FAM228A: variants seen among roughly 807,000 people sequenced by gnomAD.
FAM228A encodes the protein family with sequence similarity 228 member A.
A neutral mutation model predicts 18.6 loss-of-function variants in FAM228A; 13 were observed. The observed-to-expected ratio is 0.70, with a 90% CI of 0.45 to 1.11. FAM228A has a LOEUF of 1.11. Among genes scored for constraint, FAM228A ranks in the 50% least tolerant of loss-of-function variants. FAM228A has a pLI of 0.00. For synonymous variants in FAM228A, 77 were observed against 86.6 expected, an observed-to-expected ratio of 0.89 and a Z score of 0.61; for missense variants, 240 against 242.2, an observed-to-expected ratio of 0.99 and a Z score of 0.06.
chr2:24,175,557 C>T lies in FAM228A; in HGVS notation c.77C>T (p.Ser26Phe), dbSNP rs543111385. The change falls in exon 2 of 6, where the codon TCC (serine) becomes TTC (phenylalanine). Residue 26 changes from serine to phenylalanine, a missense_variant. By Grantham distance (155) the Ser-to-Phe change is radical. Transcript: ENST00000295150. ...EKLREWPEPE[S>F]VSLMEVLARE... Reference sequence around the variant, plus strand: ...TTAAGAGAATGGCCGGAGCCCGAGTCCGTTTCTTTAATGGAGGTGAGATAA... The same window carrying T: ...TTAAGAGAATGGCCGGAGCCCGAGTTCGTTTCTTTAATGGAGGTGAGATAA... The T allele has an allele frequency of 4.7e-5, 76 of 1,613,902 alleles. No individual in the cohort carries two copies. The South Asian group carries it at 8.1e-4, about 17-fold the overall frequency.
At chr2:24,190,245 G>A (rs927037385) in intron 5 of FAM228A, among the ~76,000 whole-genome samples, 167 bp from the exon 6 acceptor site, 6 of 152,168 alleles carry the variant, frequency 3.9e-5, no homozygotes, top group African/African-American at 1.4e-4. Context: ...GGCCAGCAGA[G>A]GTACGGACAG....
chr2:24,188,525 G>T (rs547120198), intron 5 of FAM228A: 2 of 985,292 alleles, frequency 2.0e-6, no homozygotes, highest in African/African-American at 3.5e-5. Context: ...CTCTTAGCGG[G>T]AGGGTGATGT....
intron 1 of FAM228A, 34 bp from the exon 2 acceptor site, chr2:24,175,430 GTCT>G (rs1667656319): frequency 6.8e-7 from 1 of 1,463,508 alleles, no homozygotes; most frequent in Non-Finnish European, 9.6e-7. Flanking sequence ...AACGGTAACC[GTCT>G]TCCTCAGCCT....
chr2:24,177,293 A>C (rs1667714108), intron 2 of FAM228A, among the ~76,000 whole-genome samples: 1 of 152,178 alleles, frequency 6.6e-6, no homozygotes, highest in Admixed American at 6.5e-5. Context: ...CACAGAAATT[A>C]GCCAGCTGTG....
chr2:24,188,387 G>A (rs1207456303), intron 5 of FAM228A: 5 of 975,872 alleles, frequency 5.1e-6, no homozygotes, highest in Non-Finnish European at 6.1e-6. Flanking sequence ...TTTTCCTAAT[G>A]CTCTCCCTTC....
At chr2:24,187,953 T>G (rs1667988761) in intron 5 of FAM228A, among the ~76,000 whole-genome samples, 1 of 152,178 alleles carries the variant, frequency 6.6e-6, no homozygotes, top group East Asian at 1.9e-4. Context: ...TACTTGGAAT[T>G]CATGGGTCTT....
In FAM228A at chr2:24,183,328, A is replaced by G. The variant is rs758929305; in HGVS notation, c.206A>G (p.Gln69Arg). 6.2e-7 allele frequency: 1 copy of G among 1,614,084 alleles called. No homozygotes were observed. Among genetic ancestry groups the G allele is most frequent in the Admixed American group, 1.7e-5 (1 of 60,004 alleles). Reference sequence around the variant, plus strand: ...GTTGATCCTCTGTTTCAAAGACAGCAAGAGGTGGATGAAGAGAGGAGAACT... The same window carrying G: ...GTTGATCCTCTGTTTCAAAGACAGCGAGAGGTGGATGAAGAGAGGAGAACT... ...PFVDPLFQRQQEVDEERRTGL... is the reference protein window; with the variant it reads ...PFVDPLFQRQREVDEERRTGL... The change falls in exon 4 of 6, where the codon CAA becomes CGA. Residue 69 changes from glutamine (Q) to arginine (R), a missense_variant. Coordinates refer to ENST00000295150, the MANE Select transcript of FAM228A (RefSeq NM_001040710.3).
chr2:24,180,919 A>C (rs1220547507), intron 3 of FAM228A, among the ~76,000 whole-genome samples: 1 of 152,192 alleles, frequency 6.6e-6, no homozygotes, highest in East Asian at 1.9e-4. Flanking sequence ...TATTTGGCCC[A>C]AGGAAATGAC....
intron 3 of FAM228A, chr2:24,179,181 G>A: frequency 8.5e-7 from 1 of 1,171,578 alleles, no homozygotes; most frequent in African/African-American, 1.6e-5. Flanking sequence ...CATAAAAAAT[G>A]GGTTGAAAAT....
chr2:24,175,289 G>A (rs2151038558), intron 1 of FAM228A, 115 bp downstream of exon 1: 2 of 595,410 alleles, frequency 3.4e-6, no homozygotes, highest in East Asian at 2.9e-5. Context: ...GGACGACACG[G>A]GAGTGGGTAG....
chr2:24,185,759 T>C (rs915981145), intron 5 of FAM228A, among the ~76,000 whole-genome samples: 1 of 152,206 alleles, frequency 6.6e-6, no homozygotes, highest in Admixed American at 6.5e-5. Flanking sequence ...TGCAGCCAAA[T>C]ATCCTACAAC....
chr2:24,187,433 T>A (rs1667976282), intron 5 of FAM228A, among the ~76,000 whole-genome samples: 2 of 152,238 alleles, frequency 1.3e-5, no homozygotes, highest in South Asian at 4.1e-4. Context: ...ATTGACATTA[T>A]CACCCAAAGT....
intron 5 of FAM228A, among the ~76,000 whole-genome samples, chr2:24,183,888 C>T (rs567257892): frequency 1.1e-3 from 169 of 152,292 alleles, no homozygotes; most frequent in African/African-American, 3.8e-3. Context: ...TGCCCCCTCC[C>T]GAGACAGTCT....
intron 5 of FAM228A, among the ~76,000 whole-genome samples, chr2:24,187,890 T>C (rs1388474008): frequency 6.6e-6 from 1 of 152,176 alleles, no homozygotes; most frequent in Non-Finnish European, 1.5e-5. Context: ...TTGTCTTTGA[T>C]TTTTTGTAGT....
chr2:24,180,970 A>C (rs1172392388), intron 3 of FAM228A, among the ~76,000 whole-genome samples: 1 of 152,232 alleles, frequency 6.6e-6, no homozygotes, highest in African/African-American at 2.4e-5. Context: ...AAAGGCCGAC[A>C]TTAGCCGATG....
intron 5 of FAM228A, among the ~76,000 whole-genome samples, chr2:24,184,127 C>A (rs1201577869): frequency 6.6e-6 from 1 of 152,178 alleles, no homozygotes; most frequent in Non-Finnish European, 1.5e-5. Context: ...CACCTGTAAT[C>A]CCAGCACTTT....
intron 5 of FAM228A, among the ~76,000 whole-genome samples, chr2:24,188,994 G>A (rs762033286): frequency 2.8e-4 from 43 of 152,118 alleles, no homozygotes; most frequent in Non-Finnish European, 6.2e-4. Flanking sequence ...TGGTTTTATG[G>A]TTCCTTTATC....
At chr2:24,176,812 A>G (rs1359267629) in intron 2 of FAM228A, among the ~76,000 whole-genome samples, 2 of 152,234 alleles carry the variant, frequency 1.3e-5, no homozygotes, top group African/African-American at 2.4e-5. Flanking sequence ...TTCATCAGCA[A>G]TAATTTTTAA....
Position 24,190,784 on chromosome 2 carries a change from G to C in FAM228A, c.*153G>C, listed in dbSNP as rs923972440. On this transcript the variant is annotated 3_prime_UTR_variant, in exon 6 of 6. Coordinates refer to ENST00000295150, the MANE Select transcript of FAM228A (RefSeq NM_001040710.3). ...AGGGCCCCTCGGGCGGGGAAGCCTTGCATGAAGAAACTCAGACAAGTGGTA... is the reference window on the plus strand; with the variant it reads ...AGGGCCCCTCGGGCGGGGAAGCCTTCCATGAAGAAACTCAGACAAGTGGTA... The C allele has an allele frequency of 1.7e-5, 22 of 1,330,658 alleles. No individual in the cohort carries two copies. The highest frequency in any genetic ancestry group is 2.1e-5 in the Non-Finnish European group (22 of 1,036,422). The allele number at this position is 1,330,658 out of a possible 1,614,324, so 82.4% of individuals were successfully genotyped here.
Sources: allele counts gnomAD v4.1 joint callset (sites outside exome capture counted in the v4.1 genomes callset), GRCh38; gene constraint gnomAD v4.1.1; transcripts MANE v1.5; gene names NCBI Gene and HGNC (gene_info 2026-07-23, HGNC 2026-07-21).